The following PTPRD variants were observed in gnomAD, a reference collection of about 807,000 sequenced individuals.
PTPRD encodes receptor-type tyrosine-protein phosphatase delta.
In PTPRD, 34 loss-of-function variants were observed where a neutral mutation model predicts 214.5. The observed-to-expected ratio is 0.16, with a 90% CI of 0.12 to 0.21. The LOEUF (loss-of-function observed/expected upper bound fraction) is 0.21. Among genes scored for constraint, PTPRD ranks in the 10% least tolerant of loss-of-function variants. PTPRD has a pLI of 1.00. For missense variants in PTPRD, 2,545 were observed against 2,398.7 expected (o/e 1.06, Z -1.27); for synonymous variants, 1,128 against 845.7 (o/e 1.33, Z -5.79).
intron 35 of PTPRD, among the ~76,000 whole-genome samples, chr9:8,409,377 G>T (rs2093332040): frequency 6.6e-6 from 1 of 152,246 alleles, no homozygotes; most frequent in South Asian, 2.1e-4. Context: ...TAGTTAAGCT[G>T]GAGAAGATTC....
chr9:10,246,835 A>T (rs2092188014), intron 3 of PTPRD, among the ~76,000 whole-genome samples: 1 of 151,534 alleles, frequency 6.6e-6, no homozygotes, highest in African/African-American at 2.4e-5. Flanking sequence ...CTGAGGTTGC[A>T]GTGAGCCGAG....
chr9:9,737,246 T>C (rs1323574968), intron 6 of PTPRD, among the ~76,000 whole-genome samples: 7 of 152,168 alleles, frequency 4.6e-5, no homozygotes, highest in East Asian at 1.9e-4. Flanking sequence ...ACTGAACAAT[T>C]TGTCTATATT....
chr9:9,087,784 T>C (rs1284628482), intron 10 of PTPRD, among the ~76,000 whole-genome samples: 1 of 152,004 alleles, frequency 6.6e-6, no homozygotes, highest in Non-Finnish European at 1.5e-5. Context: ...TCCACATTCC[T>C]TTCATTTTCA....
chr9:9,124,233 T>G (rs2099820334), intron 10 of PTPRD, among the ~76,000 whole-genome samples: 1 of 152,150 alleles, frequency 6.6e-6, no homozygotes. Context: ...GGGAGAGGTA[T>G]TGGATAGTAA....
At chr9:9,100,116 T>C (rs1326384380) in intron 10 of PTPRD, among the ~76,000 whole-genome samples, 1 of 152,198 alleles carries the variant, frequency 6.6e-6, no homozygotes, top group Non-Finnish European at 1.5e-5. Context: ...TTATTTATTT[T>C]TAACTGGCAA....
intron 33 of PTPRD, among the ~76,000 whole-genome samples, chr9:8,452,048 TG>T (rs2095978955): frequency 6.6e-6 from 1 of 152,200 alleles, no homozygotes; most frequent in South Asian, 2.1e-4. Flanking sequence ...GTTGCAAAGA[TG>T]TGAGTCTCAG....
chr9:8,795,029 A>G (rs1287065613), intron 11 of PTPRD, among the ~76,000 whole-genome samples: 1 of 152,166 alleles, frequency 6.6e-6, no homozygotes, highest in African/African-American at 2.4e-5. Context: ...TCTTGAATTC[A>G]TAACATCTCT....
chr9:10,118,144 C>A (rs1456100348), intron 3 of PTPRD, among the ~76,000 whole-genome samples: 1 of 151,902 alleles, frequency 6.6e-6, no homozygotes, highest in Non-Finnish European at 1.5e-5. Flanking sequence ...ATAAGGGAAG[C>A]ATTAAATTAG....
intron 11 of PTPRD, among the ~76,000 whole-genome samples, chr9:8,941,784 T>C (rs888412848): frequency 7.0e-6 from 1 of 142,510 alleles, no homozygotes; most frequent in African/African-American, 2.5e-5. Flanking sequence ...AAACAGATAA[T>C]AAAGGTCTTG....
At chr9:9,314,265 T>A (rs1257230314) in intron 9 of PTPRD, among the ~76,000 whole-genome samples, 1 of 152,170 alleles carries the variant, frequency 6.6e-6, no homozygotes, top group Non-Finnish European at 1.5e-5. Context: ...TAAGATTCCA[T>A]TATTTTTAAC....
chr9:9,321,406 T>C (rs983729146), intron 9 of PTPRD, among the ~76,000 whole-genome samples: 2 of 151,802 alleles, frequency 1.3e-5, no homozygotes, highest in Admixed American at 1.3e-4. Flanking sequence ...AAATGCAAAA[T>C]CAGCCGGGCG....
intron 12 of PTPRD, among the ~76,000 whole-genome samples, chr9:8,638,911 C>T (rs924290847): frequency 4.6e-5 from 7 of 152,046 alleles, no homozygotes; most frequent in Non-Finnish European, 1.0e-4. Context: ...GGCACAATCT[C>T]GACTCACTGC....
At chr9:9,948,950 C>T (rs183909569) in intron 4 of PTPRD, among the ~76,000 whole-genome samples, 75 of 152,054 alleles carry the variant, frequency 4.9e-4, no homozygotes, top group African/African-American at 1.7e-3. Flanking sequence ...ATTAATATTA[C>T]AGTGCAATGA....
intron 2 of PTPRD, among the ~76,000 whole-genome samples, chr9:10,455,757 A>C (rs1341668829): frequency 6.6e-6 from 1 of 151,756 alleles, no homozygotes; most frequent in Non-Finnish European, 1.5e-5. Flanking sequence ...GTTGTTCAAA[A>C]TTTCAGCGAT....
At chr9:9,740,631 T>C (rs2098386801) in intron 6 of PTPRD, among the ~76,000 whole-genome samples, 1 of 152,200 alleles carries the variant, frequency 6.6e-6, no homozygotes, top group African/African-American at 2.4e-5. Context: ...TTCAAAGTGC[T>C]GGGATTACAG....
At chr9:9,804,054 G>T (rs1160772328) in intron 5 of PTPRD, among the ~76,000 whole-genome samples, 2 of 152,022 alleles carry the variant, frequency 1.3e-5, no homozygotes, top group African/African-American at 4.8e-5. Flanking sequence ...TGTAGTGTGT[G>T]AGTTATTTTT....
At chr9:9,159,639 G>T (rs1264944184) in intron 10 of PTPRD, among the ~76,000 whole-genome samples, 1 of 152,240 alleles carries the variant, frequency 6.6e-6, no homozygotes, top group Non-Finnish European at 1.5e-5. Context: ...TACTTCAAGT[G>T]ATCGACAGGT....
At chr9:10,269,634 T>C (rs536525006) in intron 3 of PTPRD, among the ~76,000 whole-genome samples, 1 of 152,254 alleles carries the variant, frequency 6.6e-6, no homozygotes, top group African/African-American at 2.4e-5. Context: ...GTGGGTACCT[T>C]CCAGAGTGCT....
At chr9:10,418,102 C>T (rs775522133) in intron 2 of PTPRD, among the ~76,000 whole-genome samples, 5 of 151,298 alleles carry the variant, frequency 3.3e-5, no homozygotes, top group African/African-American at 9.7e-5. Flanking sequence ...CAAGGCAAAG[C>T]GAAATATATG....
Sources: allele counts gnomAD v4.1 joint callset (sites outside exome capture counted in the v4.1 genomes callset), GRCh38; gene constraint gnomAD v4.1.1; transcripts MANE v1.5; gene names NCBI Gene and HGNC (gene_info 2026-07-23, HGNC 2026-07-21).